Variants in GYS2 observed in about 807,000 individuals in gnomAD.
GYS2 encodes glycogen synthase 2.
Under a neutral mutation model 85.6 loss-of-function variants are expected in GYS2, and 80 were observed. The observed-to-expected ratio is 0.93, with a 90% CI of 0.78 to 1.13. GYS2 has a LOEUF of 1.13. Among genes scored for constraint, GYS2 ranks in the 50% most tolerant of loss-of-function variants. The pLI, the probability that GYS2 is intolerant of heterozygous loss-of-function variation, is 0.00. For synonymous variants in GYS2, 328 were observed against 300.7 expected, an observed-to-expected ratio of 1.09 and a Z score of -0.94; for missense variants, 881 against 854.9, an observed-to-expected ratio of 1.03 and a Z score of -0.38.
rs1293044624 is a variant in GYS2, at chr12:21,536,958, T to C, written c.2108A>G (p.Asn703Ser). 6.2e-7 allele frequency: 1 copy of C among 1,606,142 alleles called. No homozygotes were observed. Among genetic ancestry groups the C allele is most frequent in the Non-Finnish European group, 8.5e-7 (1 of 1,172,832 alleles). The change falls in exon 16 of 16, where the codon AAC (asparagine) becomes AGC (serine). Residue 703 changes from asparagine to serine, a missense_variant. Asn to Ser is a conservative substitution (Grantham distance 46). Coordinates refer to ENST00000261195, the MANE Select transcript of GYS2 (RefSeq NM_021957.4). ...TTCATGCAGCACATGTAGAATTCAG[T>C]TCTTATATTCACCATGCAGCTTTTT... The part of the protein sequence containing the change: ...GKKKLHGEYK[N>S]
chr12:21,591,215 G>A (rs1350876027), intron 1 of GYS2, among the ~76,000 whole-genome samples: 1 of 151,996 alleles, frequency 6.6e-6, no homozygotes, highest in Non-Finnish European at 1.5e-5. Flanking sequence ...TGAGACACAA[G>A]AGAACTCAGA....
At chr12:21,591,086 A>G (rs546103565) in intron 1 of GYS2, among the ~76,000 whole-genome samples, 3 of 152,176 alleles carry the variant, frequency 2.0e-5, no homozygotes, top group Non-Finnish European at 4.4e-5. Flanking sequence ...AAAGGTGAAG[A>G]AATATGACAC....
intron 3 of GYS2, 103 bp from the exon 4 acceptor site, chr12:21,574,429 G>A (rs1259784398): frequency 1.2e-6 from 1 of 865,478 alleles, no homozygotes; most frequent in Non-Finnish European, 1.9e-6. Flanking sequence ...AAATTATTTT[G>A]CAACTTAAAG....
At chr12:21,590,648 C>A (rs1263434271) in intron 1 of GYS2, among the ~76,000 whole-genome samples, 2 of 152,196 alleles carry the variant, frequency 1.3e-5, no homozygotes, top group Non-Finnish European at 2.9e-5. Context: ...ACTACTGACA[C>A]CCAAGCAAAC....
chr12:21,550,424 T>C (rs1195116508), intron 11 of GYS2, among the ~76,000 whole-genome samples: 1 of 152,038 alleles, frequency 6.6e-6, no homozygotes, highest in Non-Finnish European at 1.5e-5. Flanking sequence ...TCTTTCTCCA[T>C]ACACTCCCTC....
In GYS2 at chr12:21,536,741, C is replaced by T. The variant is rs549879200; in HGVS notation, c.*213G>A. 26 of 584,586 alleles carry T rather than the reference C, an allele frequency of 4.4e-5. No homozygotes were observed. In the East Asian group the frequency reaches 6.1e-4, roughly 14 times the overall value. 36.2% of individuals were successfully genotyped at this position (584,586 alleles called of 1,614,324 possible). A position where few individuals can be genotyped will look rare whatever the true frequency, so the allele number is the denominator to read the frequency against. ...AATGAGTGCTCCTCCTCATGCCTAA[C>T]TTTATGGGGGAAACAAGAGTTGGGG... On this transcript the variant is annotated 3_prime_UTR_variant, in exon 16 of 16. Transcript: ENST00000261195.
intron 11 of GYS2, among the ~76,000 whole-genome samples, chr12:21,556,941 T>C (rs937338579): frequency 5.3e-5 from 8 of 152,120 alleles, no homozygotes; most frequent in African/African-American, 1.9e-4. Flanking sequence ...GAGAAGAAGC[T>C]AGTGATAAGA....
chr12:21,570,522 T>C (rs139648136), intron 4 of GYS2, among the ~76,000 whole-genome samples: 113 of 152,374 alleles, frequency 7.4e-4, no homozygotes, highest in African/African-American at 2.6e-3. Flanking sequence ...GACGAAGACT[T>C]ATTCATCTTT....
chr12:21,584,165 C>A (rs1488874179), intron 1 of GYS2, among the ~76,000 whole-genome samples: 2 of 152,170 alleles, frequency 1.3e-5, no homozygotes, highest in Non-Finnish European at 2.9e-5. Context: ...GAGCAGTGTG[C>A]CTGGTTGTGC....
chr12:21,576,925 G>A lies in GYS2; in HGVS notation c.304-868C>T, dbSNP rs117676355. ...CTTTCTGGAACTCAGCAGAGGCTAC[G>A]AGTCTTTCTCAATGTGGATCCAGGC... On this transcript the variant is annotated intron_variant, in intron 2 of 15. Transcript: ENST00000261195. 1.2e-3 allele frequency among the ~76,000 whole-genome samples: 187 copies of A among 152,234 alleles called. 1 individual carries two copies. Among genetic ancestry groups the A allele is most frequent in the Admixed American group, 2.4e-3 (36 of 15,280 alleles).
downstream of GYS2, among the ~76,000 whole-genome samples, chr12:21,534,805 C>T (rs1222181991): frequency 1.3e-5 from 2 of 152,112 alleles, no homozygotes; most frequent in African/African-American, 4.8e-5. Context: ...GCACCACACA[C>T]GTTTTCTATA....
intron 1 of GYS2, among the ~76,000 whole-genome samples, chr12:21,597,752 T>C (rs1014447963): frequency 6.6e-6 from 1 of 152,120 alleles, no homozygotes; most frequent in African/African-American, 2.4e-5. Context: ...GGTACCACAC[T>C]GTTTATTGCA....
intron 5 of GYS2, among the ~76,000 whole-genome samples, chr12:21,564,567 A>G (rs1944295539): frequency 6.6e-6 from 1 of 152,184 alleles, no homozygotes; most frequent in Admixed American, 6.5e-5. Context: ...TTATTAAGTA[A>G]TCTGACCTTT....
chr12:21,593,171 A>G (rs1944658155), intron 1 of GYS2, among the ~76,000 whole-genome samples: 1 of 151,934 alleles, frequency 6.6e-6, no homozygotes, highest in African/African-American at 2.4e-5. Flanking sequence ...ACTTAAATTA[A>G]AAACATAGAA....
At chr12:21,572,913 G>C (rs1271567494) in intron 4 of GYS2, among the ~76,000 whole-genome samples, 1 of 152,148 alleles carries the variant, frequency 6.6e-6, no homozygotes, top group East Asian at 1.9e-4. Flanking sequence ...CTCCTCTCCA[G>C]GAAGCATGGT....
chr12:21,563,192 G>A, intron 6 of GYS2, 36 bp downstream of exon 6: 1 of 1,312,418 alleles, frequency 7.6e-7, no homozygotes, highest in Non-Finnish European at 1.1e-6. Context: ...ACTCATATCT[G>A]ATACTTCTTT....
intron 1 of GYS2, among the ~76,000 whole-genome samples, chr12:21,589,365 A>G (rs950685093): frequency 3.3e-5 from 5 of 152,228 alleles, no homozygotes; most frequent in Non-Finnish European, 5.9e-5. Flanking sequence ...AGTCCCCCAT[A>G]TAGCCTTAGA....
intron 6 of GYS2, 81 bp downstream of exon 6, chr12:21,563,147 A>G: frequency 8.5e-7 from 1 of 1,174,834 alleles, no homozygotes; most frequent in Admixed American, 1.7e-5. Flanking sequence ...ATAAACATTT[A>G]TTATTACAAT....
intron 1 of GYS2, among the ~76,000 whole-genome samples, chr12:21,602,317 C>T (rs754652842): frequency 7.2e-5 from 11 of 152,022 alleles, no homozygotes; most frequent in Non-Finnish European, 1.5e-4. Context: ...GGTCCTAACT[C>T]TGCCATTTGC....
Sources: allele counts gnomAD v4.1 joint callset (sites outside exome capture counted in the v4.1 genomes callset), GRCh38; gene constraint gnomAD v4.1.1; transcripts MANE v1.5; gene names NCBI Gene and HGNC (gene_info 2026-07-23, HGNC 2026-07-21).